BTBD7: variants seen among roughly 807,000 people sequenced by gnomAD.
The protein encoded by BTBD7 is BTB domain containing 7, also known as BTB/POZ domain-containing protein 7.
A neutral mutation model predicts 99.9 loss-of-function variants in BTBD7; 38 were observed. That is an observed-to-expected ratio of 0.38 (90% CI 0.29 to 0.50). The LOEUF (loss-of-function observed/expected upper bound fraction) is 0.50, where lower values mean the gene tolerates loss of function less well. Among genes scored for constraint, BTBD7 ranks in the 20% least tolerant of loss-of-function variants. The pLI is 0.93. For synonymous variants in BTBD7, 520 were observed against 511.4 expected (o/e 1.02, Z -0.23); for missense variants, 1,170 against 1,394.6 (o/e 0.84, Z 2.57).
chr14:93,294,392 C>T lies in BTBD7; in HGVS notation c.628G>A (p.Glu210Lys). The part of the protein sequence containing the change: ...HYLYTGEFGM[E>K]DSRFQNVDIL... Reference sequence around the variant, plus strand: ...TCGACATTTTGAAACCTTGAGTCCTCCATTCCAAACTCTCCTGTATAAAGG... The same window carrying T: ...TCGACATTTTGAAACCTTGAGTCCTTCATTCCAAACTCTCCTGTATAAAGG... The change falls in exon 3 of 11, where the codon GAG (glutamate) becomes AAG (lysine). Residue 210 changes from glutamate to lysine, a missense_variant. Coordinates refer to ENST00000334746, the MANE Select transcript of BTBD7 (RefSeq NM_001002860.4). 4 of 1,614,152 alleles carry T rather than the reference C, an allele frequency of 2.5e-6. No individual in the cohort carries two copies. Among genetic ancestry groups the T allele is most frequent in the Non-Finnish European group, 2.5e-6 (3 of 1,180,014 alleles).
intron 4 of BTBD7, 42 bp downstream of exon 4, chr14:93,263,743 C>T (rs982956691): frequency 3.2e-6 from 5 of 1,558,768 alleles, no homozygotes; most frequent in Non-Finnish European, 4.4e-6. Context: ...TTTCTTGGCG[C>T]ACATATGAAT....
chr14:93,243,011 C>G lies in BTBD7; in HGVS notation c.2661G>C (p.Arg887Ser), dbSNP rs377271760. ...GVSTLSLKDR[R>S]LPELAVDTEL... is the part of the protein sequence containing the mutation. ...CTGTGTCTACAGCAAGCTCTGGAAG[C>G]CTCCTGTCCTTGAGTGACAGTGTGG... The change falls in exon 11 of 11, where the codon AGG becomes AGC. Residue 887 changes from arginine to serine, a missense_variant. Coordinates refer to ENST00000334746, the MANE Select transcript of BTBD7 (RefSeq NM_001002860.4). 9.3e-6 allele frequency: 15 copies of G among 1,613,978 alleles called. No individual in the cohort carries two copies. The African/African-American group carries it at 1.6e-4, about 17-fold the overall frequency.
chr14:93,241,893 G>A lies in BTBD7; in HGVS notation c.*380C>T. 4.5e-6 allele frequency: 1 copy of A among 220,906 alleles called. No individual in the cohort carries two copies. The highest frequency in any genetic ancestry group is 9.0e-6 in the Non-Finnish European group (1 of 111,706). The allele number at this position is 220,906 out of a possible 1,614,324, so 13.7% of individuals were successfully genotyped here. A position where few individuals can be genotyped will look rare whatever the true frequency, so the allele number is the denominator to read the frequency against. On this transcript the variant is annotated 3_prime_UTR_variant, in exon 11 of 11. Transcript: ENST00000334746. Reference sequence around the variant, plus strand: ...TAGATGAAAGGTAAAATGCAAAAAAGTATGAAAATACAGTCCTTTAAATGT... The same window carrying A: ...TAGATGAAAGGTAAAATGCAAAAAAATATGAAAATACAGTCCTTTAAATGT...
At chr14:93,252,278 C>A (rs115417013) in intron 7 of BTBD7, among the ~76,000 whole-genome samples, 1,691 of 151,318 alleles carry the variant, frequency 0.011, 31 homozygotes, top group African/African-American at 0.039. Context: ...CTGCGGCACT[C>A]CAGCCTGGAT....
rs983373124 is a variant in BTBD7, at chr14:93,320,209, G to T, written c.-107+12611C>A. ...AGATATTAAAACAAATGAGTAAGTG[G>T]ACAGAATGATGTAGGAAAGCTGCAA... is the stretch of plus-strand genomic sequence containing the variant. On this transcript the variant is annotated intron_variant, in intron 1 of 10. Coordinates refer to ENST00000334746, the MANE Select transcript of BTBD7 (RefSeq NM_001002860.4). 6.8e-4 allele frequency among the ~76,000 whole-genome samples: 103 copies of T among 152,264 alleles called. 1 individual carries two copies. The highest frequency in any genetic ancestry group is 2.4e-3 in the African/African-American group (99 of 41,540).
At position 93,287,069 on chromosome 14, in the gene BTBD7, AAC is replaced by A. The variant is rs1320796633; in HGVS notation, c.1162+6787_1162+6788del. ...AGAGCAGATCCCCGTCTCTACTAAA[AAC>A]ACAAAAAATTAGCCGGGCATGGTGG... On this transcript the variant is annotated intron_variant, in intron 3 of 10. Coordinates refer to ENST00000334746, the MANE Select transcript of BTBD7 (RefSeq NM_001002860.4). Among the ~76,000 whole-genome samples the A allele has an allele frequency of 3.3e-5, 5 of 151,984 alleles. 1 individual carries two copies. The highest frequency in any genetic ancestry group is 7.4e-5 in the Non-Finnish European group (5 of 67,992).
chr14:93,270,396 A>G (rs1209933904), intron 3 of BTBD7, among the ~76,000 whole-genome samples: 2 of 151,928 alleles, frequency 1.3e-5, no homozygotes, highest in Admixed American at 1.3e-4. Flanking sequence ...GCGCCTGGCC[A>G]AAAGCTTTTA....
Position 93,325,174 on chromosome 14 carries a change from C to T in BTBD7, c.-107+7646G>A, listed in dbSNP as rs924493041. 3.7e-5 allele frequency among the ~76,000 whole-genome samples: 5 copies of T among 135,282 alleles called. No homozygotes were observed. In the South Asian group the frequency reaches 6.9e-4, roughly 19 times the overall value. 88.8% of individuals were successfully genotyped at this position (135,282 alleles called of 152,430 possible). A position where few individuals can be genotyped will look rare whatever the true frequency, so the allele number is the denominator to read the frequency against. On this transcript the variant is annotated intron_variant, in intron 1 of 10. Coordinates refer to ENST00000334746, the MANE Select transcript of BTBD7 (RefSeq NM_001002860.4). ...TATCACCCAGGCTGAAGTGCAGTGG[C>T]GCAATCTTGGCTCACTGCAACCTCC...
chr14:93,307,801 A>T (rs2053088201), intron 1 of BTBD7, among the ~76,000 whole-genome samples: 1 of 152,212 alleles, frequency 6.6e-6, no homozygotes, highest in African/African-American at 2.4e-5. Flanking sequence ...CATTTATTCA[A>T]CACTAAATCC....
intron 1 of BTBD7, among the ~76,000 whole-genome samples, chr14:93,309,578 C>G (rs141768438): frequency 1.4e-3 from 219 of 152,082 alleles, no homozygotes; most frequent in African/African-American, 5.2e-3. Flanking sequence ...GCTGCCACGT[C>G]TACCTCATGC....
At chr14:93,296,780 T>C (rs75541798) in intron 1 of BTBD7, among the ~76,000 whole-genome samples, 1 of 152,100 alleles carries the variant, frequency 6.6e-6, no homozygotes, top group Non-Finnish European at 1.5e-5. Context: ...AACAAAAAAT[T>C]TTATCTATCC....
chr14:93,253,603 G>A (rs757750592), intron 7 of BTBD7, 44 bp downstream of exon 7: 2 of 1,553,462 alleles, frequency 1.3e-6, no homozygotes, highest in Non-Finnish European at 1.8e-6. Context: ...TGTGCATATG[G>A]TTTGTAATAA....
chr14:93,319,417 C>T (rs1157141088), intron 1 of BTBD7, among the ~76,000 whole-genome samples: 4 of 152,108 alleles, frequency 2.6e-5, no homozygotes, highest in Non-Finnish European at 4.4e-5. Context: ...GTAGTAAATA[C>T]ATAAATGGAA....
chr14:93,300,889 T>G (rs1212592654), intron 1 of BTBD7, among the ~76,000 whole-genome samples: 2 of 151,940 alleles, frequency 1.3e-5, no homozygotes, highest in African/African-American at 4.8e-5. Flanking sequence ...GTGCTGGGAT[T>G]ACAGGTGTGA....
In BTBD7 at chr14:93,294,305, C is replaced by T. The variant is rs764078791; in HGVS notation, c.715G>A (p.Gly239Arg). ...TAATAACACATGTAATCAAAGAGTC[C>T]ACGCATATCTACATCAAGGGAATTT... ...TPNSLDVDMR[G>R]LFDYMCYYDV... The change falls in exon 3 of 11, where the codon GGA becomes AGA. Residue 239 changes from glycine (G) to arginine (R), a missense_variant. Physicochemically the swap from Gly to Arg is moderately radical, Grantham distance 125 (BLOSUM62 -2). This residue lies in a region of BTBD7 where 359 missense variants were observed against 497.9 expected (regional missense o/e 0.72). Coordinates refer to ENST00000334746, the MANE Select transcript of BTBD7 (RefSeq NM_001002860.4). 4.3e-6 allele frequency: 7 copies of T among 1,613,980 alleles called. No individual in the cohort carries two copies. Among genetic ancestry groups the T allele is most frequent in the Non-Finnish European group, 5.1e-6 (6 of 1,180,034 alleles).
Position 93,245,125 on chromosome 14 carries a change from G to C in BTBD7, c.2583+700C>G, listed in dbSNP as rs544429692. ...GATCCTCCCACTTCAGCCTCCTAAAGTGTTGGGATTACAGGTGTGAGTCAT... is the reference window on the plus strand; with the variant it reads ...GATCCTCCCACTTCAGCCTCCTAAACTGTTGGGATTACAGGTGTGAGTCAT... On this transcript the variant is annotated intron_variant, in intron 10 of 10. Transcript: ENST00000334746. Among the ~76,000 whole-genome samples, 138 of 147,994 alleles carry C rather than the reference G, an allele frequency of 9.3e-4. 2 individuals are homozygous for C. The highest frequency in any genetic ancestry group is 3.5e-3 in the Middle Eastern group (1 of 286).
At chr14:93,293,339 T>C (rs2139766251) in intron 3 of BTBD7, among the ~76,000 whole-genome samples, 1 of 152,356 alleles carries the variant, frequency 6.6e-6, no homozygotes, top group South Asian at 2.1e-4. Context: ...TGGCTTGATG[T>C]ACAAGTTGAA....
At chr14:93,254,333 G>A (rs1052449711) in intron 6 of BTBD7, among the ~76,000 whole-genome samples, 6 of 152,062 alleles carry the variant, frequency 3.9e-5, no homozygotes, top group East Asian at 1.9e-4. Flanking sequence ...TTTTAAAAAC[G>A]AGACACATTA....
At chr14:93,305,508 C>T (rs1418933025) in intron 1 of BTBD7, among the ~76,000 whole-genome samples, 3 of 152,202 alleles carry the variant, frequency 2.0e-5, no homozygotes, top group African/African-American at 7.2e-5. Context: ...AGACAAAACT[C>T]TCACTCTCAC....
Sources: gnomAD v4.1 joint callset for allele counts (sites outside exome capture counted in the v4.1 genomes callset) on GRCh38, gnomAD v4.1.1 for gene constraint, gnomAD v4.1.1 regional missense constraint, MANE v1.5 for transcripts, NCBI Gene and HGNC (gene_info 2026-07-23, HGNC 2026-07-21) for gene names.